Variants in TNPO1 observed in about 807,000 individuals in gnomAD.
TNPO1 encodes the protein transportin-1.
A neutral mutation model predicts 119.5 loss-of-function variants in TNPO1; 8 were observed. That is an observed-to-expected ratio of 0.07 (90% confidence interval 0.04 to 0.12). TNPO1 has a LOEUF of 0.12. Ranked by LOEUF, TNPO1 falls within the 10% of genes least tolerant of loss-of-function variation. The pLI is 1.00. For synonymous variants in TNPO1, 362 were observed against 363.0 expected (o/e 1.00, Z 0.03); for missense variants, 576 against 1,089.8 (o/e 0.53, Z 6.64).
chr5:72,823,429 A>G lies in TNPO1; in HGVS notation c.15+6677A>G, dbSNP rs1744068265. ...TATCAGCCACTCATTCCACAGTGATACCCTCGTGCACTGTCAATAACTGCA... is the reference window on the plus strand; with the variant it reads ...TATCAGCCACTCATTCCACAGTGATGCCCTCGTGCACTGTCAATAACTGCA... On this transcript the variant is annotated intron_variant, in intron 1 of 24. Transcript: ENST00000337273. 2.0e-5 allele frequency among the ~76,000 whole-genome samples: 3 copies of G among 152,058 alleles called. No homozygotes were observed. In the South Asian group the frequency reaches 6.2e-4, roughly 31 times the overall value.
intron 22 of TNPO1, among the ~76,000 whole-genome samples, chr5:72,902,076 G>GAA (rs76963590): frequency 7.6e-5 from 11 of 144,060 alleles, no homozygotes; most frequent in South Asian, 2.2e-4. Flanking sequence ...ACTTCATCTG[G>GAA]AAAAAAAAAA....
intron 18 of TNPO1, among the ~76,000 whole-genome samples, chr5:72,894,212 A>C (rs888912852): frequency 6.6e-6 from 1 of 151,810 alleles, no homozygotes; most frequent in Admixed American, 6.6e-5. Flanking sequence ...ACTTGAGGTC[A>C]GGAGTGCGAG....
rs931965520 is a variant in TNPO1 at position 72,910,787 on chromosome 5, CTA to C, written c.*2116_*2117del. Reference sequence around the variant, plus strand: ...GTAGCATGTAGAAAGGTTTTTGTTACTATGTGTGTGTGTGTGTTTTGTTTTGT... The same window carrying C: ...GTAGCATGTAGAAAGGTTTTTGTTACTGTGTGTGTGTGTGTTTTGTTTTGT... On this transcript the variant is annotated 3_prime_UTR_variant, in exon 25 of 25. Transcript: ENST00000337273. The C allele has an allele frequency of 8.6e-5, 13 of 151,946 alleles. No individual in the cohort carries two copies. Among genetic ancestry groups the C allele is most frequent in the East Asian group, 1.9e-4 (1 of 5,190 alleles). 9.4% of individuals were successfully genotyped at this position (151,946 alleles called of 1,614,324 possible).
At chr5:72,822,858 G>A (rs1194625594) in intron 1 of TNPO1, among the ~76,000 whole-genome samples, 1 of 150,244 alleles carries the variant, frequency 6.7e-6, no homozygotes, top group Non-Finnish European at 1.5e-5. Flanking sequence ...TTCCCAAAGT[G>A]CTGGGATTAC....
intron 3 of TNPO1, among the ~76,000 whole-genome samples, chr5:72,853,700 G>C (rs1041431566): frequency 6.7e-6 from 1 of 150,164 alleles, no homozygotes; most frequent in Non-Finnish European, 1.5e-5. Flanking sequence ...CAAGTTTGCT[G>C]CATGTAGTTT....
intron 18 of TNPO1, among the ~76,000 whole-genome samples, chr5:72,895,367 T>A (rs946449764): frequency 1.7e-4 from 23 of 138,826 alleles, no homozygotes; most frequent in African/African-American, 5.0e-4. Context: ...TTTTTTTTTT[T>A]AATGTTACCA....
chr5:72,840,800 A>G (rs555318896), intron 1 of TNPO1, among the ~76,000 whole-genome samples: 1 of 152,258 alleles, frequency 6.6e-6, no homozygotes, highest in South Asian at 2.1e-4. Flanking sequence ...ATTTATTCAA[A>G]CTTTCCTTAG....
At chr5:72,905,467 A>T (rs1393172824) in intron 24 of TNPO1, 22 bp downstream of exon 24, 6 of 1,271,506 alleles carry the variant, frequency 4.7e-6, no homozygotes, top group Non-Finnish European at 6.7e-6. Flanking sequence ...GAAGTTTGGA[A>T]ATTTTCAGGA....
intron 18 of TNPO1, among the ~76,000 whole-genome samples, chr5:72,894,928 A>G (rs1749312308): frequency 6.6e-6 from 1 of 152,122 alleles, no homozygotes; most frequent in African/African-American, 2.4e-5. Flanking sequence ...TAATTTTTTT[A>G]TTATAAAGTG....
chr5:72,855,529 A>G (rs1386056536), intron 3 of TNPO1, among the ~76,000 whole-genome samples: 1 of 152,308 alleles, frequency 6.6e-6, no homozygotes, highest in South Asian at 2.1e-4. Flanking sequence ...TGATGATGCT[A>G]CTTAACATCT....
At chr5:72,875,811 C>A (rs1333985010) in intron 8 of TNPO1, 74 bp downstream of exon 8, 1 of 1,491,932 alleles carries the variant, frequency 6.7e-7, no homozygotes, top group African/African-American at 1.4e-5. Flanking sequence ...ATACAACATA[C>A]CGGATGGGAA....
At chr5:72,908,282 G>A (rs1750313863) in intron 24 of TNPO1, among the ~76,000 whole-genome samples, 1 of 152,008 alleles carries the variant, frequency 6.6e-6, no homozygotes, top group South Asian at 2.1e-4. Flanking sequence ...AAAAAAAGAT[G>A]GTGTTTTCAT....
chr5:72,875,416 A>G (rs1353931711), intron 7 of TNPO1, among the ~76,000 whole-genome samples, 199 bp from the exon 8 acceptor site: 2 of 152,248 alleles, frequency 1.3e-5, no homozygotes, highest in African/African-American at 4.8e-5. Context: ...TCAGAAAAGA[A>G]TAGCTCTTCA....
At chr5:72,879,819 G>A (rs1423241567) in intron 9 of TNPO1, among the ~76,000 whole-genome samples, 2 of 151,952 alleles carry the variant, frequency 1.3e-5, no homozygotes, top group Non-Finnish European at 2.9e-5. Flanking sequence ...AGTATAATAC[G>A]AGCAAAAAGT....
chr5:72,908,017 C>T (rs1295077390), intron 24 of TNPO1, among the ~76,000 whole-genome samples: 1 of 152,156 alleles, frequency 6.6e-6, no homozygotes, highest in African/African-American at 2.4e-5. Flanking sequence ...CACACCACTG[C>T]GTTCCAGCCT....
chr5:72,816,817 G>A (rs961308661), intron 1 of TNPO1, 65 bp downstream of exon 1: 3 of 1,524,614 alleles, frequency 2.0e-6, no homozygotes, highest in Non-Finnish European at 2.6e-6. Context: ...GGAGCGCCGA[G>A]CTGCCTGACG....
At chr5:72,834,310 T>G (rs1165741000) in intron 1 of TNPO1, among the ~76,000 whole-genome samples, 1 of 152,222 alleles carries the variant, frequency 6.6e-6, no homozygotes, top group Non-Finnish European at 1.5e-5. Flanking sequence ...AAAAGTCCAC[T>G]GTAAAACCAC....
At chr5:72,818,717 T>C (rs1187060232) in intron 1 of TNPO1, among the ~76,000 whole-genome samples, 1 of 152,148 alleles carries the variant, frequency 6.6e-6, no homozygotes, top group African/African-American at 2.4e-5. Context: ...TGAATACATA[T>C]TGGTGCTAAA....
At chr5:72,873,980 G>C (rs1580435037) in intron 7 of TNPO1, among the ~76,000 whole-genome samples, 1 of 151,756 alleles carries the variant, frequency 6.6e-6, no homozygotes, top group African/African-American at 2.4e-5. Flanking sequence ...TTAATAAAGG[G>C]GACAATGATA....
Sources: allele counts gnomAD v4.1 joint callset (sites outside exome capture counted in the v4.1 genomes callset), GRCh38; gene constraint gnomAD v4.1.1; transcripts MANE v1.5; gene names NCBI Gene and HGNC (gene_info 2026-07-23, HGNC 2026-07-21).